LRMDA: variants seen among roughly 807,000 people sequenced by gnomAD.
LRMDA encodes the protein leucine-rich melanocyte differentiation-associated protein.
Under a neutral mutation model 29.8 loss-of-function variants are expected in LRMDA, and 18 were observed. The ratio of observed to expected loss-of-function variants is 0.60; its 90% CI spans 0.42 to 0.90. LRMDA has a LOEUF of 0.90. LRMDA is among the 40% of genes least tolerant of loss of function. The probability of loss-of-function intolerance (pLI) is 0.00; values close to 1 mark genes in which losing one functional copy is unlikely to be tolerated. For missense variants in LRMDA, 273 were observed against 273.9 expected, an observed-to-expected ratio of 1.00 and a Z score of 0.02; for synonymous variants, 125 against 109.4, an observed-to-expected ratio of 1.14 and a Z score of -0.89.
chr10:75,729,836 A>G (rs1289426101), intron 2 of LRMDA, among the ~76,000 whole-genome samples: 1 of 152,116 alleles, frequency 6.6e-6, no homozygotes, highest in Non-Finnish European at 1.5e-5. Context: ...TCACTTAGTC[A>G]CTCAAGGCTG....
chr10:75,917,967 A>G (rs867259854), intron 2 of LRMDA, among the ~76,000 whole-genome samples: 2,626 of 149,596 alleles, frequency 0.018, 84 homozygotes, highest in African/African-American at 0.064. Context: ...GTGCGCACAC[A>G]CACACACACA....
chr10:75,615,096 C>T (rs1484898461), intron 2 of LRMDA, among the ~76,000 whole-genome samples: 1 of 152,178 alleles, frequency 6.6e-6, no homozygotes, highest in Non-Finnish European at 1.5e-5. Context: ...TTTCTCTCAT[C>T]TCTGCTAATT....
At chr10:75,962,102 G>A (rs970685761) in intron 2 of LRMDA, among the ~76,000 whole-genome samples, 1 of 152,166 alleles carries the variant, frequency 6.6e-6, no homozygotes, top group African/African-American at 2.4e-5. Flanking sequence ...CATCTGCAAT[G>A]GCCCTAATTT....
At chr10:75,870,980 T>A (rs1750229825) in intron 2 of LRMDA, among the ~76,000 whole-genome samples, 1 of 152,190 alleles carries the variant, frequency 6.6e-6, no homozygotes, top group African/African-American at 2.4e-5. Flanking sequence ...GTGATGTATC[T>A]CCTCAACTCC....
intron 5 of LRMDA, among the ~76,000 whole-genome samples, chr10:76,271,657 G>C (rs1179633795): frequency 6.6e-6 from 1 of 152,114 alleles, no homozygotes; most frequent in East Asian, 1.9e-4. Context: ...AAACAGGCTT[G>C]GACATTGCAT....
chr10:75,507,675 G>A (rs1032109369), intron 2 of LRMDA, among the ~76,000 whole-genome samples: 3 of 152,104 alleles, frequency 2.0e-5, no homozygotes, highest in Non-Finnish European at 4.4e-5. Flanking sequence ...TGACTTATTT[G>A]TACTGGAAAG....
intron 2 of LRMDA, among the ~76,000 whole-genome samples, chr10:75,817,246 G>T (rs1844076699): frequency 6.6e-6 from 1 of 152,194 alleles, no homozygotes; most frequent in African/African-American, 2.4e-5. Context: ...GGATCCAATT[G>T]GACCCATGCC....
intron 4 of LRMDA, among the ~76,000 whole-genome samples, chr10:76,050,169 G>T (rs1848506535): frequency 6.6e-6 from 1 of 152,166 alleles, no homozygotes; most frequent in Admixed American, 6.5e-5. Context: ...TTTCAAAGAG[G>T]TCAGCCCAGT....
At chr10:76,503,779 G>T (rs1842934219) in intron 6 of LRMDA, among the ~76,000 whole-genome samples, 1 of 150,930 alleles carries the variant, frequency 6.6e-6, no homozygotes, top group African/African-American at 2.4e-5. Context: ...GAAGATCTAG[G>T]TCTTGGTTTC....
chr10:76,161,948 G>A (rs1252459963), intron 5 of LRMDA, among the ~76,000 whole-genome samples: 2 of 152,098 alleles, frequency 1.3e-5, no homozygotes, highest in Non-Finnish European at 2.9e-5. Context: ...ACTTTTTTAG[G>A]GTATAAAATA....
At chr10:76,093,004 C>G (rs368845763) in intron 5 of LRMDA, among the ~76,000 whole-genome samples, 1 of 151,992 alleles carries the variant, frequency 6.6e-6, no homozygotes, top group African/African-American at 2.4e-5. Context: ...TTACTGAGAC[C>G]GTTAGGGCAC....
At chr10:75,945,363 G>A (rs578105970) in intron 2 of LRMDA, among the ~76,000 whole-genome samples, 2 of 152,268 alleles carry the variant, frequency 1.3e-5, no homozygotes, top group South Asian at 4.1e-4. Flanking sequence ...AGACTTTGTA[G>A]CCTTACCCTT....
At position 76,051,910 on chromosome 10, in the gene LRMDA, G is replaced by A. The variant is rs919045591; in HGVS notation, c.398+4607G>A. ...TTAAAAACTTTGATCTCTCAAATAG[G>A]CTGCACTGAAGCCATTGCTAAGTTT... On this transcript the variant is annotated intron_variant, in intron 4 of 6. Transcript: ENST00000611255. Among the ~76,000 whole-genome samples, 94 of 152,124 alleles carry A rather than the reference G, an allele frequency of 6.2e-4. 1 individual carries two copies. The highest frequency in any genetic ancestry group is 6.0e-4 in the African/African-American group (25 of 41,412).
intron 5 of LRMDA, chr10:76,241,899 T>A (rs1241548227): frequency 1.3e-5 from 2 of 152,214 alleles, no homozygotes; most frequent in Non-Finnish European, 2.9e-5. Flanking sequence ...AGTACTAACC[T>A]CACAGGATGG....
chr10:76,220,804 C>A (rs1464585422), intron 5 of LRMDA, among the ~76,000 whole-genome samples: 4 of 151,518 alleles, frequency 2.6e-5, no homozygotes, highest in Admixed American at 6.6e-5. Flanking sequence ...CAAAGCCGAG[C>A]AGAGACACAA....
intron 2 of LRMDA, among the ~76,000 whole-genome samples, chr10:75,750,753 C>G (rs1336207071): frequency 7.9e-6 from 1 of 127,152 alleles, no homozygotes; most frequent in African/African-American, 3.0e-5. Flanking sequence ...ACATCCCAGA[C>G]GATGGGCGGC....
intron 2 of LRMDA, among the ~76,000 whole-genome samples, chr10:75,897,208 G>C (rs769931115): frequency 5.3e-5 from 8 of 152,124 alleles, no homozygotes; most frequent in Middle Eastern, 3.2e-3. Context: ...TCTTAGAATG[G>C]GTAATGGCTC....
At chr10:76,520,072 T>G (rs1384407756) in intron 6 of LRMDA, among the ~76,000 whole-genome samples, 1 of 152,180 alleles carries the variant, frequency 6.6e-6, no homozygotes, top group Non-Finnish European at 1.5e-5. Flanking sequence ...TCGTTTGTGG[T>G]GATCGTTGTC....
At chr10:75,489,465 G>A (rs1249066376) in intron 2 of LRMDA, among the ~76,000 whole-genome samples, 1 of 152,172 alleles carries the variant, frequency 6.6e-6, no homozygotes, top group African/African-American at 2.4e-5. Context: ...TAGTCCTTTG[G>A]ATTTCAACTT....
Sources: allele counts gnomAD v4.1 joint callset (sites outside exome capture counted in the v4.1 genomes callset), GRCh38; gene constraint gnomAD v4.1.1; transcripts MANE v1.5; gene names NCBI Gene and HGNC (gene_info 2026-07-23, HGNC 2026-07-21).